Variants in AKR1E2 observed in about 807,000 individuals in gnomAD.
AKR1E2 encodes aldo-keto reductase family 1 member E2.
In AKR1E2, 43 loss-of-function variants were observed where a neutral mutation model predicts 41.9. The ratio of observed to expected loss-of-function variants is 1.03; its 90% CI spans 0.80 to 1.32. AKR1E2 has a LOEUF of 1.32. Ranked by LOEUF, AKR1E2 falls within the 40% of genes most tolerant of loss-of-function variation. The pLI is 0.00. For synonymous variants in AKR1E2, 121 were observed against 138.9 expected, an observed-to-expected ratio of 0.87 and a Z score of 0.91; for missense variants, 423 against 396.5, an observed-to-expected ratio of 1.07 and a Z score of -0.57.
chr10:4,830,910 T>G (rs1832921174), intron 2 of AKR1E2, 68 bp downstream of exon 2: 1 of 1,576,132 alleles, frequency 6.3e-7, no homozygotes, highest in Admixed American at 1.8e-5. Context: ...CTTTCTACTT[T>G]CTTTATGGGA....
At position 4,847,874 on chromosome 10, in the gene AKR1E2, C is replaced by T; in HGVS notation, c.*344C>T. The T allele has an allele frequency of 4.1e-6, 1 of 245,328 alleles. No homozygotes were observed. Among genetic ancestry groups the T allele is most frequent in the Admixed American group, 5.2e-5 (1 of 19,334 alleles). 15.2% of individuals were successfully genotyped at this position (245,328 alleles called of 1,614,324 possible). A position where few individuals can be genotyped will look rare whatever the true frequency, so the allele number is the denominator to read the frequency against. On this transcript the variant is annotated 3_prime_UTR_variant, in exon 10 of 10. Transcript: ENST00000298375. ...GAGGAAACAGTGTAATGTGTCTCTG[C>T]CCCATTGCGCAGCTCCACCCATTGT...
At chr10:4,865,459 A>G in the AKR1E2 span, among the ~76,000 whole-genome samples, 2 of 152,198 alleles carry the variant, frequency 1.3e-5, no homozygotes, top group Non-Finnish European at 2.9e-5. Context: ...CATTGAAGCT[A>G]GCATTTGAAC....
chr10:4,846,030 C>T (rs2397984), intron 8 of AKR1E2: 78,184 of 369,840 alleles, frequency 0.21, 8,847 homozygotes, highest in Middle Eastern at 0.38. Context: ...CCCAGTGCCG[C>T]TCAGAACTGC....
In AKR1E2 at chr10:4,839,793, C is replaced by A. The variant is rs756387231; in HGVS notation, c.647C>A (p.Ser216Tyr). 8.7e-5 allele frequency: 140 copies of A among 1,613,942 alleles called. No individual in the cohort carries two copies. Among genetic ancestry groups the A allele is most frequent in the Non-Finnish European group, 1.1e-4 (128 of 1,180,006 alleles). ...LISFCQSRDV[S>Y]VTAYRPLGGS... ...AGTTTTTGCCAATCCAGAGATGTGT[C>A]CGTGACTGCTTACCGTCCTCTTGGT... is the stretch of plus-strand genomic sequence containing the variant. Residue 216 changes from serine to tyrosine, a missense_variant, in exon 6 of 10, where the codon TCC (serine) becomes TAC (tyrosine). Ser to Tyr is a moderately radical substitution (Grantham distance 144). Coordinates refer to ENST00000298375, the MANE Select transcript of AKR1E2 (RefSeq NM_001040177.3).
chr10:4,848,960 A>G (rs1389312994), downstream of AKR1E2, among the ~76,000 whole-genome samples: 2 of 152,216 alleles, frequency 1.3e-5, no homozygotes, highest in Non-Finnish European at 2.9e-5. Flanking sequence ...TGCGACCAGT[A>G]TCATTGCCAT....
downstream of AKR1E2, among the ~76,000 whole-genome samples, chr10:4,849,667 T>C (rs1834485225): frequency 3.3e-5 from 5 of 152,140 alleles, no homozygotes. Flanking sequence ...CAGTTGCAGT[T>C]GGGAGGAATG....
Position 4,847,660 on chromosome 10 carries a change from T to C in AKR1E2, c.*130T>C. On this transcript the variant is annotated 3_prime_UTR_variant, in exon 10 of 10. Transcript: ENST00000298375. ...CAGGAGCCACACAGTCAGAGGGGGA[T>C]GTAAGAGCCACCTTCTCTGACAAAT... The C allele has an allele frequency of 9.5e-7, 1 of 1,050,480 alleles. No individual in the cohort carries two copies. The highest frequency in any genetic ancestry group is 2.4e-5 in the East Asian group (1 of 41,898). 65.1% of individuals were successfully genotyped at this position (1,050,480 alleles called of 1,614,324 possible). A position where few individuals can be genotyped will look rare whatever the true frequency, so the allele number is the denominator to read the frequency against.
chr10:4,872,184 C>A, the AKR1E2 span, among the ~76,000 whole-genome samples: 1 of 152,178 alleles, frequency 6.6e-6, no homozygotes, highest in Admixed American at 6.6e-5. Context: ...TGCAATATGT[C>A]ATTCTACAGC....
chr10:4,842,467 GATCT>G lies in AKR1E2; in HGVS notation c.804_807del (p.Ile269ProfsTer16), dbSNP rs772364315. On this transcript the variant is annotated frameshift_variant, in exon 8 of 10. Coordinates refer to ENST00000298375, the MANE Select transcript of AKR1E2 (RefSeq NM_001040177.3). LOFTEE classifies it high-confidence loss of function. ...CAGAGGAATGTGATAGTGATCCCCG[GATCT>G]ATCACCCCAAGTCACATTAAAGAGA... 6.2e-7 allele frequency: 1 copy of G among 1,614,094 alleles called. No individual in the cohort carries two copies. Among genetic ancestry groups the G allele is most frequent in the Non-Finnish European group, 8.5e-7 (1 of 1,179,994 alleles).
the AKR1E2 span, among the ~76,000 whole-genome samples, chr10:4,855,640 C>T: frequency 6.6e-6 from 1 of 152,146 alleles, no homozygotes; most frequent in East Asian, 1.9e-4. Context: ...GTAATGTTTA[C>T]ATACGAAAGA....
intron 1 of AKR1E2, among the ~76,000 whole-genome samples, 156 bp downstream of exon 1, chr10:4,826,519 C>G (rs1832520158): frequency 6.6e-6 from 1 of 152,204 alleles, no homozygotes; most frequent in Non-Finnish European, 1.5e-5. Flanking sequence ...TGGCCGCCCA[C>G]CGCCCACAAG....
At chr10:4,847,380 G>A (rs1463719144) in intron 9 of AKR1E2, 108 bp from the exon 10 acceptor site, 9 of 1,529,790 alleles carry the variant, frequency 5.9e-6, no homozygotes, top group African/African-American at 4.2e-5. Flanking sequence ...ACTGAATGAA[G>A]CTAATTTCAT....
chr10:4,870,086 T>G, the AKR1E2 span, among the ~76,000 whole-genome samples: 1 of 152,074 alleles, frequency 6.6e-6, no homozygotes, highest in African/African-American at 2.4e-5. Context: ...TAGCATTTTT[T>G]GGTGTTTCTC....
chr10:4,869,833 G>A, the AKR1E2 span, among the ~76,000 whole-genome samples: 1 of 151,622 alleles, frequency 6.6e-6, no homozygotes, highest in Admixed American at 6.6e-5. Context: ...TCTGTTTTTG[G>A]TTTCTAATTT....
At chr10:4,838,515 A>C (rs1165393265) in intron 5 of AKR1E2, among the ~76,000 whole-genome samples, 3 of 152,200 alleles carry the variant, frequency 2.0e-5, no homozygotes, top group African/African-American at 7.2e-5. Context: ...TTTTTGAATA[A>C]ATATGCTTTT....
the AKR1E2 span, among the ~76,000 whole-genome samples, chr10:4,867,761 G>A: frequency 6.6e-6 from 1 of 152,172 alleles, no homozygotes; most frequent in Non-Finnish European, 1.5e-5. Flanking sequence ...AACAGCGTTG[G>A]CCTTCCAGTG....
chr10:4,844,912 C>G (rs377608613), intron 8 of AKR1E2, among the ~76,000 whole-genome samples: 1 of 152,226 alleles, frequency 6.6e-6, no homozygotes, highest in Non-Finnish European at 1.5e-5. Flanking sequence ...GGCGGTGTGC[C>G]GGCACTCCTC....
chr10:4,829,021 C>T (rs1832762511), intron 1 of AKR1E2, among the ~76,000 whole-genome samples: 1 of 151,946 alleles, frequency 6.6e-6, no homozygotes, highest in Admixed American at 6.6e-5. Context: ...CCTTTTTTTC[C>T]ACTCTTTAAG....
chr10:4,837,625 T>TC (rs1196697910), intron 5 of AKR1E2, 44 bp downstream of exon 5: 34 of 1,587,782 alleles, frequency 2.1e-5, no homozygotes, highest in Non-Finnish European at 2.6e-5. Context: ...GTGTGGCTGG[T>TC]CCCCCAGCTG....
Sources: allele counts gnomAD v4.1 joint callset (sites outside exome capture counted in the v4.1 genomes callset), GRCh38; gene constraint gnomAD v4.1.1; transcripts MANE v1.5; gene names NCBI Gene and HGNC (gene_info 2026-07-23, HGNC 2026-07-21).